The following ZFAND3 variants were observed in gnomAD, a reference collection of about 807,000 sequenced individuals.
ZFAND3 encodes zinc finger AN1-type containing 3.
Under a neutral mutation model 29.6 loss-of-function variants are expected in ZFAND3, and 10 were observed. The observed-to-expected ratio is 0.34, with a 90% confidence interval of 0.21 to 0.57. ZFAND3 has a LOEUF of 0.57. ZFAND3 is among the 20% of genes least tolerant of loss of function. The pLI, the probability that ZFAND3 is intolerant of heterozygous loss-of-function variation, is 0.86. For synonymous variants in ZFAND3, 128 were observed against 112.6 expected, an observed-to-expected ratio of 1.14 and a Z score of -0.87; for missense variants, 230 against 304.5, an observed-to-expected ratio of 0.76 and a Z score of 1.82.
At chr6:38,000,351 C>A (rs373610665) in intron 2 of ZFAND3, among the ~76,000 whole-genome samples, 1 of 152,128 alleles carries the variant, frequency 6.6e-6, no homozygotes, top group African/African-American at 2.4e-5. Context: ...TTTCATAGAT[C>A]CTGACTGTAT....
intron 1 of ZFAND3, among the ~76,000 whole-genome samples, chr6:37,914,106 A>G (rs1761185408): frequency 6.6e-6 from 1 of 152,160 alleles, no homozygotes; most frequent in South Asian, 2.1e-4. Flanking sequence ...CTACAGAATG[A>G]ATGTTGTGTT....
chr6:38,050,767 G>C (rs1188253051), intron 2 of ZFAND3, among the ~76,000 whole-genome samples: 23 of 152,150 alleles, frequency 1.5e-4, no homozygotes, highest in Admixed American at 1.5e-3. Flanking sequence ...GTGCACCACT[G>C]TGCCCAGCTG....
intron 2 of ZFAND3, among the ~76,000 whole-genome samples, chr6:38,023,785 G>A (rs910737044): frequency 2.0e-5 from 3 of 152,156 alleles, no homozygotes; most frequent in Admixed American, 1.3e-4. Context: ...TGGTATTTCC[G>A]CTTCCTTACT....
chr6:37,932,113 A>G (rs1433264259), intron 2 of ZFAND3, among the ~76,000 whole-genome samples: 1 of 152,154 alleles, frequency 6.6e-6, no homozygotes, highest in Non-Finnish European at 1.5e-5. Flanking sequence ...TACTAAAAAC[A>G]CAAAAATTAG....
At chr6:37,829,240 A>AAG (rs1434896665) in intron 1 of ZFAND3, among the ~76,000 whole-genome samples, 1 of 151,466 alleles carries the variant, frequency 6.6e-6, no homozygotes, top group Non-Finnish European at 1.5e-5. Context: ...TTTAAAAAAA[A>AAG]AAAAAGTGGA....
intron 2 of ZFAND3, among the ~76,000 whole-genome samples, chr6:38,023,796 C>T (rs536412910): frequency 7.2e-5 from 11 of 152,324 alleles, no homozygotes; most frequent in African/African-American, 2.6e-4. Flanking sequence ...CTTCCTTACT[C>T]AGTTTAGTCT....
chr6:37,923,027 T>C (rs949331559), intron 1 of ZFAND3, among the ~76,000 whole-genome samples: 5 of 152,256 alleles, frequency 3.3e-5, no homozygotes, highest in African/African-American at 1.2e-4. Context: ...AATTTTAAAC[T>C]GATGACTCTT....
At chr6:38,093,468 A>G (rs1445889740) in intron 4 of ZFAND3, among the ~76,000 whole-genome samples, 1 of 152,210 alleles carries the variant, frequency 6.6e-6, no homozygotes, top group Non-Finnish European at 1.5e-5. Flanking sequence ...GAAATTGCTA[A>G]TTTAGAAACA....
chr6:38,050,732 G>A (rs754129676), intron 2 of ZFAND3, among the ~76,000 whole-genome samples: 14 of 152,140 alleles, frequency 9.2e-5, no homozygotes, highest in Non-Finnish European at 1.5e-4. Context: ...GCATGAGAAC[G>A]GACTAATACC....
At chr6:37,915,596 G>C (rs1161133774) in intron 1 of ZFAND3, 1 of 152,152 alleles carries the variant, frequency 6.6e-6, no homozygotes, top group Non-Finnish European at 1.5e-5. Context: ...AGAGTGATCA[G>C]AACACACATA....
intron 1 of ZFAND3, among the ~76,000 whole-genome samples, chr6:37,832,386 A>T (rs1763878919): frequency 6.6e-6 from 1 of 152,182 alleles, no homozygotes; most frequent in Non-Finnish European, 1.5e-5. Flanking sequence ...CAAACTCTAG[A>T]TATGAAAGGT....
At position 38,152,526 on chromosome 6, in the gene ZFAND3, T is replaced by C; in HGVS notation, c.*137T>C. 7.3e-7 allele frequency: 1 copy of C among 1,370,718 alleles called. No individual in the cohort carries two copies. The highest frequency in any genetic ancestry group is 9.4e-7 in the Non-Finnish European group (1 of 1,062,468). The allele number at this position is 1,370,718 out of a possible 1,614,324, so 84.9% of individuals were successfully genotyped here. A position where few individuals can be genotyped will look rare whatever the true frequency, so the allele number is the denominator to read the frequency against. On this transcript the variant is annotated 3_prime_UTR_variant, in exon 6 of 6. Coordinates refer to ENST00000287218, the MANE Select transcript of ZFAND3 (RefSeq NM_021943.3). ...TCCGTTTCCTTTCTTTAGCCAGCCA[T>C]CCTGGTACTGTAGTTTAGGGGTTGA...
intron 5 of ZFAND3, among the ~76,000 whole-genome samples, chr6:38,125,215 C>T (rs182550258): frequency 2.2e-4 from 33 of 152,256 alleles, no homozygotes; most frequent in Admixed American, 7.2e-4. Context: ...ATCTGTATTC[C>T]CCATTTAATC....
intron 5 of ZFAND3, among the ~76,000 whole-genome samples, chr6:38,129,033 T>TA (rs1228277083): frequency 6.6e-6 from 1 of 152,186 alleles, no homozygotes; most frequent in Admixed American, 6.5e-5. Flanking sequence ...CTTGCAGGAG[T>TA]AAGGTAGTAT....
intron 5 of ZFAND3, among the ~76,000 whole-genome samples, chr6:38,144,201 A>AT (rs1554183966): frequency 0.048 from 2,125 of 43,988 alleles, 68 homozygotes; most frequent in Non-Finnish European, 0.072. Context: ...ATATATATAT[A>AT]TATATATATA....
chr6:37,890,690 T>A (rs1765079572), intron 1 of ZFAND3, among the ~76,000 whole-genome samples: 1 of 152,248 alleles, frequency 6.6e-6, no homozygotes, highest in Admixed American at 6.5e-5. Flanking sequence ...GTTATAATTG[T>A]TGCTAATTCA....
chr6:37,977,972 C>T (rs1762518775), intron 2 of ZFAND3, among the ~76,000 whole-genome samples: 2 of 151,314 alleles, frequency 1.3e-5, no homozygotes, highest in East Asian at 3.9e-4. Flanking sequence ...CACTCTGTCT[C>T]CCAGGCTAGA....
chr6:37,837,214 G>A (rs1041190646), intron 1 of ZFAND3, among the ~76,000 whole-genome samples: 2 of 152,154 alleles, frequency 1.3e-5, no homozygotes, highest in Non-Finnish European at 2.9e-5. Context: ...AGACTTCTTG[G>A]CTGATACTGG....
intron 2 of ZFAND3, among the ~76,000 whole-genome samples, chr6:37,994,078 T>C (rs1762807435): frequency 6.6e-6 from 1 of 151,850 alleles, no homozygotes; most frequent in Admixed American, 6.6e-5. Context: ...ACTAGAATTA[T>C]GTGTCTGTAG....
Sources: allele counts gnomAD v4.1 joint callset (sites outside exome capture counted in the v4.1 genomes callset), GRCh38; gene constraint gnomAD v4.1.1; transcripts MANE v1.5; gene names NCBI Gene and HGNC (gene_info 2026-07-23, HGNC 2026-07-21).